The following KIAA1586 variants were observed in gnomAD, a reference collection of about 807,000 sequenced individuals.
The protein encoded by KIAA1586 is KIAA1586.
A neutral mutation model predicts 6.1 loss-of-function variants in KIAA1586; 5 were observed. The observed-to-expected ratio is 0.82, with a 90% CI of 0.43 to 1.73. KIAA1586 has a LOEUF of 1.73. Ranked by LOEUF, KIAA1586 falls within the 40% of genes most tolerant of loss-of-function variation. KIAA1586 has a pLI of 0.02. For missense variants in KIAA1586, 899 were observed against 878.2 expected (o/e 1.02, Z -0.30); for synonymous variants, 280 against 301.7 (o/e 0.93, Z 0.75).
At chr6:57,062,390 T>C in the KIAA1586 span, among the ~76,000 whole-genome samples, 2 of 152,242 alleles carry the variant, frequency 1.3e-5, no homozygotes, top group Admixed American at 6.5e-5. Flanking sequence ...ATAGGTTTCT[T>C]TCCAATTCTC....
downstream of KIAA1586, among the ~76,000 whole-genome samples, chr6:57,055,469 G>A (rs1828484099): frequency 6.6e-6 from 1 of 151,830 alleles, no homozygotes; most frequent in Admixed American, 6.6e-5. Flanking sequence ...TCAAACTTGT[G>A]TGTCATTTCC....
intron 2 of KIAA1586, among the ~76,000 whole-genome samples, chr6:57,049,521 T>G (rs1367292448): frequency 1.3e-5 from 2 of 152,130 alleles, no homozygotes; most frequent in Admixed American, 6.5e-5. Context: ...GTACCTAGCC[T>G]CCAAAATAAA....
chr6:57,065,227 A>AT, the KIAA1586 span, among the ~76,000 whole-genome samples: 11 of 151,866 alleles, frequency 7.2e-5, no homozygotes, highest in Non-Finnish European at 1.2e-4. Context: ...AAATGGGGCA[A>AT]TTTTTTTTAA....
At chr6:57,059,247 T>C (rs1828534619), downstream of KIAA1586, among the ~76,000 whole-genome samples, 1 of 151,694 alleles carries the variant, frequency 6.6e-6, no homozygotes, top group Non-Finnish European at 1.5e-5. Flanking sequence ...TGATAAATAT[T>C]ATTTTGGATA....
downstream of KIAA1586, chr6:57,055,235 C>T (rs184115050): frequency 3.3e-3 from 512 of 154,158 alleles, no homozygotes; most frequent in Admixed American, 5.1e-3. Context: ...AGCCTTTTGG[C>T]TCTTGTCTTT....
At chr6:57,060,322 C>T in the KIAA1586 span, among the ~76,000 whole-genome samples, 1 of 152,158 alleles carries the variant, frequency 6.6e-6, no homozygotes, top group African/African-American at 2.4e-5. Flanking sequence ...CCTGTGTATT[C>T]GTCAGAAAGT....
downstream of KIAA1586, among the ~76,000 whole-genome samples, chr6:57,055,778 A>C (rs1212512086): frequency 6.6e-6 from 1 of 152,244 alleles, no homozygotes; most frequent in Admixed American, 6.5e-5. Context: ...CAACTGGAAC[A>C]GTAAACAGAC....
chr6:57,053,896 C>T lies in KIAA1586; in HGVS notation c.1397C>T (p.Ala466Val). 4 of 1,579,814 alleles carry T rather than the reference C, an allele frequency of 2.5e-6. No homozygotes were observed. Among genetic ancestry groups the T allele is most frequent in the Non-Finnish European group, 3.4e-6 (4 of 1,166,006 alleles). The change falls in exon 4 of 4, where the codon GCT (alanine) becomes GTT (valine). Residue 466 changes from alanine (A) to valine (V), a missense_variant. Coordinates refer to ENST00000370733, the MANE Select transcript of KIAA1586 (RefSeq NM_020931.4). ...CAAACCAAGCTTCTAGGAACTGTAGCTAAAGAACTTGAAACTGAAATTATT... is the reference window on the plus strand; with the variant it reads ...CAAACCAAGCTTCTAGGAACTGTAGTTAAAGAACTTGAAACTGAAATTATT... ...KNQTKLLGTV[A>V]KELETEIIKI...
rs1828429114 is a variant in KIAA1586, at chr6:57,054,121, C to CT, written c.1623dup (p.Ala542CysfsTer8). On this transcript the variant is annotated frameshift_variant, in exon 4 of 4. Transcript: ENST00000370733. LOFTEE classifies it low-confidence loss of function (END_TRUNC). ...CTTGAAGAATTTTCAGTACTTTCAACTGCATTACAGTCAAGATCAACTAAT... is the reference window on the plus strand; with the variant it reads ...CTTGAAGAATTTTCAGTACTTTCAACTTGCATTACAGTCAAGATCAACTAAT... 6.2e-7 allele frequency: 1 copy of CT among 1,606,546 alleles called. No individual in the cohort carries two copies. The highest frequency in any genetic ancestry group is 1.3e-5 in the African/African-American group (1 of 74,524).
chr6:57,058,050 C>T (rs867562149), downstream of KIAA1586, among the ~76,000 whole-genome samples: 1 of 152,042 alleles, frequency 6.6e-6, no homozygotes, highest in African/African-American at 2.4e-5. Flanking sequence ...CCGCCTTAGC[C>T]TCCCAGAATG....
chr6:57,052,894 T>C lies in KIAA1586; in HGVS notation c.395T>C (p.Val132Ala). 6.2e-7 allele frequency: 1 copy of C among 1,612,654 alleles called. No individual in the cohort carries two copies. Among genetic ancestry groups the C allele is most frequent in the Admixed American group, 1.7e-5 (1 of 59,648 alleles). ...LSSKKEIDNL[V>A]LPDCWNEKQA... Reference sequence around the variant, plus strand: ...TCAAAGAAAGAAATAGATAATCTTGTGCTTCCAGATTGTTGGAATGAAAAA... The same window carrying C: ...TCAAAGAAAGAAATAGATAATCTTGCGCTTCCAGATTGTTGGAATGAAAAA... The change falls in exon 4 of 4, where the codon GTG becomes GCG. Residue 132 changes from valine (V) to alanine (A), a missense_variant. Physicochemically the swap from Val to Ala is moderately conservative, Grantham distance 64. Transcript: ENST00000370733.
downstream of KIAA1586, among the ~76,000 whole-genome samples, chr6:57,057,783 GT>G (rs1410544128): frequency 6.6e-6 from 1 of 152,010 alleles, no homozygotes; most frequent in South Asian, 2.1e-4. Flanking sequence ...TTATGCAGCT[GT>G]TTTTTTAATA....
the KIAA1586 span, among the ~76,000 whole-genome samples, chr6:57,061,930 GGTTTTCTTTT>G: frequency 6.7e-5 from 10 of 150,080 alleles, no homozygotes; most frequent in African/African-American, 2.4e-4. Context: ...TTTTTTCCTA[GGTTTTCTTTT>G]TTTTTTTTTT....
the KIAA1586 span, among the ~76,000 whole-genome samples, chr6:57,061,859 CAT>C: frequency 3.3e-5 from 5 of 151,240 alleles, no homozygotes; most frequent in African/African-American, 7.3e-5. Flanking sequence ...TATCACAAAA[CAT>C]AGAGGTGAAA....
intron 2 of KIAA1586, among the ~76,000 whole-genome samples, chr6:57,050,429 C>T (rs1828289804): frequency 6.6e-6 from 1 of 151,520 alleles, no homozygotes; most frequent in African/African-American, 2.4e-5. Flanking sequence ...GTGATCCTCT[C>T]ACCTCAGCCT....
At chr6:57,047,979 G>A (rs1828225661) in intron 2 of KIAA1586, among the ~76,000 whole-genome samples, 1 of 148,106 alleles carries the variant, frequency 6.8e-6, no homozygotes, top group Non-Finnish European at 1.5e-5. Flanking sequence ...GCAGATTCCT[G>A]GGCCCCACTG....
intron 2 of KIAA1586, among the ~76,000 whole-genome samples, chr6:57,050,469 C>T (rs1433395661): frequency 2.6e-5 from 4 of 151,452 alleles, no homozygotes; most frequent in African/African-American, 9.7e-5. Flanking sequence ...AGGTGTGAGC[C>T]ACCGTACCCA....
At chr6:57,052,654 AT>A in intron 3 of KIAA1586, 31 bp from the exon 4 acceptor site, 1 of 1,493,158 alleles carries the variant, frequency 6.7e-7, no homozygotes. Context: ...AGTGTTATGA[AT>A]TTTACTTACA....
the KIAA1586 span, among the ~76,000 whole-genome samples, chr6:57,064,386 A>G: frequency 3.0e-4 from 45 of 152,342 alleles, no homozygotes; most frequent in African/African-American, 9.6e-4. Context: ...AACAAACCTT[A>G]ACTAATGCAT....
Sources: allele counts gnomAD v4.1 joint callset (sites outside exome capture counted in the v4.1 genomes callset), GRCh38; gene constraint gnomAD v4.1.1; transcripts MANE v1.5; gene names NCBI Gene and HGNC (gene_info 2026-07-23, HGNC 2026-07-21).